PROKR2: variants seen among roughly 807,000 people sequenced by gnomAD.
PROKR2 encodes the protein G protein-coupled receptor 73-like 1.
A neutral mutation model predicts 23.4 loss-of-function variants in PROKR2; 26 were observed. That is an observed-to-expected ratio of 1.11 (90% CI 0.81 to 1.54). The LOEUF (loss-of-function observed/expected upper bound fraction) is 1.54. Among genes scored for constraint, PROKR2 ranks in the 40% most tolerant of loss-of-function variants. PROKR2 has a pLI of 0.00. For missense variants in PROKR2, 453 were observed against 511.5 expected, an observed-to-expected ratio of 0.89 and a Z score of 1.10; for synonymous variants, 212 against 201.2, an observed-to-expected ratio of 1.05 and a Z score of -0.45.
intron 1 of PROKR2, 30 bp from the exon 2 acceptor site, chr20:5,314,407 G>A (rs758767381): frequency 9.6e-6 from 15 of 1,555,936 alleles, no homozygotes; most frequent in African/African-American, 4.1e-5. Context: ...AGGGAGGTGC[G>A]AGGGGTGAGG....
At chr20:5,312,536 C>A (rs549798755) in intron 2 of PROKR2, among the ~76,000 whole-genome samples, 1 of 152,194 alleles carries the variant, frequency 6.6e-6, no homozygotes, top group East Asian at 1.9e-4. Context: ...GTAGCAAAAT[C>A]GTTTTTCCTG....
intron 2 of PROKR2, among the ~76,000 whole-genome samples, chr20:5,310,224 T>C (rs1381318943): frequency 6.6e-6 from 1 of 152,208 alleles, no homozygotes; most frequent in East Asian, 1.9e-4. Flanking sequence ...AAGGTCTTTG[T>C]TTTCATCTGT....
rs1434509032 is a variant in PROKR2, at chr20:5,302,245, A to G, written c.950T>C (p.Val317Ala). 2 of 1,614,256 alleles carry G rather than the reference A, an allele frequency of 1.2e-6. No homozygotes were observed. The highest frequency in any genetic ancestry group is 1.7e-6 in the Non-Finnish European group (2 of 1,180,046). Residue 317 changes from valine (V) to alanine (A), a missense_variant, in exon 3 of 3, where the codon GTG becomes GCG. Coordinates refer to ENST00000678254, the MANE Select transcript of PROKR2 (RefSeq NM_144773.4). ...KEKHYLTAFY[V>A]VECIAMSNSM... is the part of the protein sequence containing the mutation. The stretch of plus-strand genomic sequence containing the variant: ...GTTGCTCATGGCGATGCACTCGACC[A>G]CGTAGAAGGCAGTGAGGTAGTGCTT...
Position 5,300,322 on chromosome 20 carries a change from A to T in PROKR2, c.*1718T>A, listed in dbSNP as rs1978938504. On this transcript the variant is annotated 3_prime_UTR_variant, in exon 3 of 3. Transcript: ENST00000678254. ...GAGTCTTGGGGTCACTGAGAATCTG[A>T]GGTTAAATTTCCCAGATTATAACCA... 6.6e-6 allele frequency among the ~76,000 whole-genome samples: 1 copy of T among 152,230 alleles called. No individual in the cohort carries two copies. The highest frequency in any genetic ancestry group is 6.5e-5 in the Admixed American group (1 of 15,288).
rs564287592 is a variant in PROKR2 at position 5,314,163 on chromosome 20, G to C, written c.207C>G (p.Ile69Met). Residue 69 changes from isoleucine (I) to methionine (M), a missense_variant, in exon 2 of 3, where the codon ATC becomes ATG. Ile to Met is a conservative substitution (Grantham distance 10). Transcript: ENST00000678254. ...GGGCAGCGATAAAGACAAAGTTACC[G>C]ATGCCGCAGACCAGCATGATGCCTG... ...ALAGIMLVCG[I>M]GNFVFIAALT... The C allele has an allele frequency of 6.2e-7, 1 of 1,614,186 alleles. No homozygotes were observed. Among genetic ancestry groups the C allele is most frequent in the Admixed American group, 1.7e-5 (1 of 60,028 alleles).
chr20:5,302,617 G>A lies in PROKR2; in HGVS notation c.578C>T (p.Thr193Ile). The A allele has an allele frequency of 6.2e-7, 1 of 1,614,194 alleles. No homozygotes were observed. The highest frequency in any genetic ancestry group is 8.5e-7 in the Non-Finnish European group (1 of 1,180,032). ...LIAIPSAYFA[T>I]ETVLFIVKSQ... ...CTTGACAATAAAGAGGACCGTTTCT[G>A]TTGCAAAGTAAGCCGATGGGATGGC... The change falls in exon 3 of 3, where the codon ACA (threonine) becomes ATA (isoleucine). Residue 193 changes from threonine (T) to isoleucine (I), a missense_variant. Transcript: ENST00000678254.
Position 5,302,273 on chromosome 20 carries a change from C to A in PROKR2, c.922G>T (p.Glu308Ter). Reference protein sequence around the residue: ...RDFFPTVFVKEKHYLTAFYVV... With the variant: ...RDFFPTVFVK ...TAGAAGGCAGTGAGGTAGTGCTTTT[C>A]CTTCACGAACACAGTGGGGAAGAAG... Residue 308 changes from glutamate (E) to a stop codon, truncating the protein, a stop_gained, in exon 3 of 3, where the codon GAA becomes TAA. Coordinates refer to ENST00000678254, the MANE Select transcript of PROKR2 (RefSeq NM_144773.4). LOFTEE classifies it high-confidence loss of function. The A allele has an allele frequency of 6.2e-7, 1 of 1,614,244 alleles. No homozygotes were observed. Among genetic ancestry groups the A allele is most frequent in the South Asian group, 1.1e-5 (1 of 91,084 alleles).
chr20:5,302,416 G>T lies in PROKR2; in HGVS notation c.779C>A (p.Thr260Lys). 1 of 1,614,206 alleles carries T rather than the reference G, an allele frequency of 6.2e-7. No homozygotes were observed. The highest frequency in any genetic ancestry group is 8.5e-7 in the Non-Finnish European group (1 of 1,180,044). The change falls in exon 3 of 3, where the codon ACG becomes AAG. Residue 260 changes from threonine to lysine, a missense_variant. Transcript: ENST00000678254. ...LWFKAVPGFQ[T>K]EQIRKRLRCR... is the part of the protein sequence containing the mutation. ...GCGCAGCCGCTTGCGAATCTGCTCC[G>T]TCTGGAACCCAGGGACTGCCTTGAA...
chr20:5,307,809 T>A (rs1444964436), intron 2 of PROKR2, among the ~76,000 whole-genome samples: 1 of 152,214 alleles, frequency 6.6e-6, no homozygotes, highest in South Asian at 2.1e-4. Context: ...CATAAAGATT[T>A]GTGGAAACTA....
intron 2 of PROKR2, among the ~76,000 whole-genome samples, chr20:5,306,984 G>A (rs199633150): frequency 6.7e-6 from 1 of 148,776 alleles, no homozygotes; most frequent in African/African-American, 2.5e-5. Flanking sequence ...TTGGGGTAGA[G>A]GTTATGCTTG....
At chr20:5,315,587 G>A (rs1388474693) in intron 1 of PROKR2, 3 of 313,290 alleles carry the variant, frequency 9.6e-6, no homozygotes, top group Non-Finnish European at 6.3e-6. Context: ...GCAAGGAGAT[G>A]ACCCAGCTGA....
In PROKR2 at chr20:5,301,228, G is replaced by T. The variant is rs540456526; in HGVS notation, c.*812C>A. Among the ~76,000 whole-genome samples the T allele has an allele frequency of 0.048, 6,973 of 146,478 alleles. 384 individuals are homozygous for T. Among genetic ancestry groups the T allele is most frequent in the African/African-American group, 0.13 (5,020 of 39,830 alleles). Reference sequence around the variant, plus strand: ...TGGTTGTTGTTGTTGTTGTTTTGTTGTTTGTTTGTTTGTTTTTTTCCTGAG... The same window carrying T: ...TGGTTGTTGTTGTTGTTGTTTTGTTTTTTGTTTGTTTGTTTTTTTCCTGAG... On this transcript the variant is annotated 3_prime_UTR_variant, in exon 3 of 3. Transcript: ENST00000678254.
At position 5,299,576 on chromosome 20, in the gene PROKR2, A is replaced by G. The variant is rs1224325637; in HGVS notation, c.*2464T>C. 6.6e-6 allele frequency among the ~76,000 whole-genome samples: 1 copy of G among 151,860 alleles called. No homozygotes were observed. Among genetic ancestry groups the G allele is most frequent in the Non-Finnish European group, 1.5e-5 (1 of 67,954 alleles). ...GCCAAGCAAGTAAGAATTTTTGTAA[A>G]TCAGAATTAACAGTTTTGCTTAGGC... is the stretch of plus-strand genomic sequence containing the variant. On this transcript the variant is annotated 3_prime_UTR_variant, in exon 3 of 3. Transcript: ENST00000678254.
rs968235454 is a variant in PROKR2, at chr20:5,316,487, C to A, written c.-9+7G>T. 1 of 392,848 alleles carries A rather than the reference C, an allele frequency of 2.5e-6. No individual in the cohort carries two copies. 24.3% of individuals were successfully genotyped at this position (392,848 alleles called of 1,614,324 possible). A position where few individuals can be genotyped will look rare whatever the true frequency, so the allele number is the denominator to read the frequency against. ...AGTCCCGGGACTGCAGGGATCTAAGCCCTTACCTGTCTCGGCGCCTCCTTT... is the reference window on the plus strand; with the variant it reads ...AGTCCCGGGACTGCAGGGATCTAAGACCTTACCTGTCTCGGCGCCTCCTTT... On this transcript the variant is annotated splice_region_variant and intron_variant, in intron 1 of 2. Transcript: ENST00000678254. This position sits in a 1 kb window ranked among gnomAD's most constrained non-coding sequence, Gnocchi z 5.0.
At chr20:5,306,802 C>T (rs891812083) in intron 2 of PROKR2, among the ~76,000 whole-genome samples, 1 of 152,168 alleles carries the variant, frequency 6.6e-6, no homozygotes, top group African/African-American at 2.4e-5. Context: ...ACAGCCCATA[C>T]ACAACTGAAT....
chr20:5,312,059 C>T lies in PROKR2; in HGVS notation c.458+1853G>A, dbSNP rs7354649. Reference sequence around the variant, plus strand: ...AGATAAAAATGCAGATTCCTGGGACCTTGCCCAAGGGATTCCCACTCAAGA... The same window carrying T: ...AGATAAAAATGCAGATTCCTGGGACTTTGCCCAAGGGATTCCCACTCAAGA... On this transcript the variant is annotated intron_variant, in intron 2 of 2. Coordinates refer to ENST00000678254, the MANE Select transcript of PROKR2 (RefSeq NM_144773.4). Among the ~76,000 whole-genome samples the T allele has an allele frequency of 5.2e-3, 785 of 152,258 alleles. 2 individuals carry two copies. Among genetic ancestry groups the T allele is most frequent in the Non-Finnish European group, 8.8e-3 (600 of 68,004 alleles).
rs779358775 is a variant in PROKR2 at position 5,302,241 on chromosome 20, G to A, written c.954C>T (p.Val318=). The A allele has an allele frequency of 6.2e-7, 1 of 1,614,208 alleles. No individual in the cohort carries two copies. The highest frequency in any genetic ancestry group is 8.5e-7 in the Non-Finnish European group (1 of 1,180,042). Residue 318 remains valine (V), a synonymous_variant, in exon 3 of 3, where the codon GTC becomes GTT. Transcript: ENST00000678254. ...EKHYLTAFYV[V]ECIAMSNSMI... ...TGCTGTTGCTCATGGCGATGCACTC[G>A]ACCACGTAGAAGGCAGTGAGGTAGT... is the stretch of plus-strand genomic sequence containing the variant.
chr20:5,313,899 C>G lies in PROKR2; in HGVS notation c.458+13G>C. The G allele has an allele frequency of 6.2e-7, 1 of 1,611,406 alleles. No individual in the cohort carries two copies. Among genetic ancestry groups the G allele is most frequent in the Non-Finnish European group, 8.5e-7 (1 of 1,177,686 alleles). ...GGCCCAGCCCCACCACTCACCCCAC[C>G]CACCATCCTCACCTGTCAATGGCAA... On this transcript the variant is annotated intron_variant, in intron 2 of 2. Transcript: ENST00000678254.
At chr20:5,306,273 T>C (rs6053274) in intron 2 of PROKR2, among the ~76,000 whole-genome samples, 63,973 of 152,036 alleles carry the variant, frequency 0.42, 13,700 homozygotes, top group East Asian at 0.52. Flanking sequence ...CTCCAGTTTT[T>C]GTAATTAAGA....
Sources: gnomAD v4.1 joint callset for allele counts (sites outside exome capture counted in the v4.1 genomes callset) on GRCh38, gnomAD v4.1.1 for gene constraint, Gnocchi (gnomAD v3.1) non-coding constraint, MANE v1.5 for transcripts, NCBI Gene and HGNC (gene_info 2026-07-23, HGNC 2026-07-21) for gene names.